SETD1A: variants seen among roughly 807,000 people sequenced by gnomAD.
The protein encoded by SETD1A is histone-lysine N-methyltransferase SETD1A.
In SETD1A, 29 loss-of-function variants were observed where a neutral mutation model predicts 149.9. The ratio of observed to expected loss-of-function variants is 0.19; its 90% CI spans 0.14 to 0.26. The LOEUF is 0.26. Among genes scored for constraint, SETD1A ranks in the 10% least tolerant of loss-of-function variants. SETD1A has a pLI of 1.00. For synonymous variants in SETD1A, 1,141 were observed against 968.5 expected, an observed-to-expected ratio of 1.18 and a Z score of -3.31; for missense variants, 2,109 against 2,353.1, an observed-to-expected ratio of 0.90 and a Z score of 2.15.
At chr16:30,960,153 C>G (rs1386985990) in intron 3 of SETD1A, among the ~76,000 whole-genome samples, 1 of 152,132 alleles carries the variant, frequency 6.6e-6, no homozygotes, top group African/African-American at 2.4e-5. Context: ...TTCACCTGGT[C>G]TCCTTGCCTT....
intron 13 of SETD1A, among the ~76,000 whole-genome samples, chr16:30,972,404 A>C (rs1285885150): frequency 6.6e-6 from 1 of 151,632 alleles, no homozygotes; most frequent in African/African-American, 2.4e-5. Flanking sequence ...TGGGAGGCCA[A>C]GGCGGGTGGA....
At position 30,964,972 on chromosome 16, in the gene SETD1A, C is replaced by T. The variant is rs751956370; in HGVS notation, c.1230C>T (p.Thr410=). The T allele has an allele frequency of 1.2e-5, 19 of 1,614,026 alleles. No homozygotes were observed. The African/African-American group carries it at 2.4e-4, about 20-fold the overall frequency. ...NTAERFPPSY[T]SYLPPEPSRP... ...CTGAGCGCTTCCCACCTTCTTACAC[C>T]TCCTACCTGCCCCCCGAGCCCAGCC... Residue 410 remains threonine, a synonymous_variant, in exon 7 of 19, where the codon ACC becomes ACT. Coordinates refer to ENST00000262519, the MANE Select transcript of SETD1A (RefSeq NM_014712.3).
chr16:30,976,372 G>A (rs1234439242), intron 13 of SETD1A, among the ~76,000 whole-genome samples: 2 of 152,172 alleles, frequency 1.3e-5, no homozygotes, highest in South Asian at 2.1e-4. Flanking sequence ...TGGAGACAGA[G>A]CAAGCCTCTC....
intron 13 of SETD1A, among the ~76,000 whole-genome samples, chr16:30,973,444 A>C (rs139502408): frequency 5.1e-4 from 77 of 152,258 alleles, no homozygotes; most frequent in African/African-American, 1.8e-3. Context: ...ACTTGAGGTC[A>C]GGAGTTCGAG....
Position 30,980,529 on chromosome 16 carries a change from G to T in SETD1A, c.4453G>T (p.Gly1485Trp). ...TPKRKRRPQD[G>W]PREHQTGSAR... ...AAAACGCAAGCGGCGGCCCCAGGATGGGCCCCGGGAGCACCAGACAGGCTC... is the reference window on the plus strand; with the variant it reads ...AAAACGCAAGCGGCGGCCCCAGGATTGGCCCCGGGAGCACCAGACAGGCTC... Residue 1485 changes from glycine (G) to tryptophan (W), a missense_variant, in exon 15 of 19, where the codon GGG (glycine) becomes TGG (tryptophan). Physicochemically the swap from Gly to Trp is radical, Grantham distance 184. Coordinates refer to ENST00000262519, the MANE Select transcript of SETD1A (RefSeq NM_014712.3). This position sits in a 1 kb window ranked among gnomAD's most constrained non-coding sequence, Gnocchi z 7.7. 4 of 1,614,148 alleles carry T rather than the reference G, an allele frequency of 2.5e-6. No homozygotes were observed. Among genetic ancestry groups the T allele is most frequent in the Non-Finnish European group, 3.4e-6 (4 of 1,180,024 alleles).
In SETD1A at chr16:30,979,865, A is replaced by C; in HGVS notation, c.4079A>C (p.Glu1360Ala). 6.5e-7 allele frequency: 1 copy of C among 1,538,386 alleles called. No individual in the cohort carries two copies. The highest frequency in any genetic ancestry group is 8.7e-7 in the Non-Finnish European group (1 of 1,148,166). ...CAGCAACTGCAGCAGCAGCGGGAGG[A>C]GGGCGAAGAGGAGGGGGAGGAAGAG... ...KPQQLQQQREEGEEEGEEEGE... is the reference protein window; with the variant it reads ...KPQQLQQQREAGEEEGEEEGE... Residue 1360 changes from glutamate (E) to alanine (A), a missense_variant, in exon 14 of 19, where the codon GAG (glutamate) becomes GCG (alanine). Transcript: ENST00000262519.
At position 30,979,246 on chromosome 16, in the gene SETD1A, C is replaced by A. The variant is rs1451679168; in HGVS notation, c.3460C>A (p.Pro1154Thr). Residue 1154 changes from proline to threonine, a missense_variant, in exon 14 of 19, where the codon CCC becomes ACC. Pro to Thr is a conservative substitution (Grantham distance 38). This residue lies in a region of SETD1A where 832 missense variants were observed against 815.6 expected (regional missense o/e 1.02). Coordinates refer to ENST00000262519, the MANE Select transcript of SETD1A (RefSeq NM_014712.3). Reference protein sequence around the residue: ...APRPDERPSSPIPLLPPPKKR... With the variant: ...APRPDERPSSTIPLLPPPKKR... Reference sequence around the variant, plus strand: ...ACGCCCCGATGAGCGTCCCTCTTCTCCCATCCCCCTCCTGCCCCCACCCAA... The same window carrying A: ...ACGCCCCGATGAGCGTCCCTCTTCTACCATCCCCCTCCTGCCCCCACCCAA... 6.6e-7 allele frequency: 1 copy of A among 1,523,030 alleles called. No individual in the cohort carries two copies. Among genetic ancestry groups the A allele is most frequent in the Non-Finnish European group, 9.0e-7 (1 of 1,113,074 alleles). 94.3% of individuals were successfully genotyped at this position (1,523,030 alleles called of 1,614,324 possible).
rs982366070 is a variant in SETD1A at position 30,972,010 on chromosome 16, C to G, written c.3358+291C>G. Among the ~76,000 whole-genome samples the G allele has an allele frequency of 3.3e-5, 5 of 152,270 alleles. No individual in the cohort carries two copies. The South Asian group carries it at 8.3e-4, about 25-fold the overall frequency. ...AAAGTGCCCAGTTGAATAAGTTCTT[C>G]CTCCTAATTTTTCTTAAGCCTGTTC... On this transcript the variant is annotated intron_variant, in intron 13 of 18. Coordinates refer to ENST00000262519, the MANE Select transcript of SETD1A (RefSeq NM_014712.3).
Position 30,971,379 on chromosome 16 carries a change from C to T in SETD1A, c.3018C>T (p.Gly1006=). The change falls in exon 13 of 19, where the codon GGC becomes GGT. Residue 1006 remains glycine (G), a splice_region_variant and synonymous_variant. Transcript: ENST00000262519. ...TGACTGCCCCTTCTGGATTTCCAGG[C>T]GAGGACGAGGAAAGCGATTCGTCTT... ...TTKKETEVSD[G]EDEESDSSSK... is the part of the protein sequence containing the mutation. The T allele has an allele frequency of 4.5e-6, 7 of 1,568,110 alleles. No individual in the cohort carries two copies. Among genetic ancestry groups the T allele is most frequent in the African/African-American group, 1.3e-5 (1 of 74,438 alleles).
chr16:30,968,337 A>C (rs2056176109), intron 10 of SETD1A, among the ~76,000 whole-genome samples: 1 of 150,968 alleles, frequency 6.6e-6, no homozygotes, highest in Admixed American at 6.6e-5. Context: ...CAGGAGGTGG[A>C]GGTTACAGTG....
chr16:30,969,749 A>C, intron 12 of SETD1A, 60 bp downstream of exon 12: 1 of 1,386,024 alleles, frequency 7.2e-7, no homozygotes, highest in Non-Finnish European at 1.0e-6. Context: ...CTGCCTGGCT[A>C]GCCCTTTTCT....
rs1275897465 is a variant in SETD1A, at chr16:30,958,979, A to G, written c.150+98A>G. On this transcript the variant is annotated intron_variant, in intron 2 of 18. Transcript: ENST00000262519. The stretch of plus-strand genomic sequence containing the variant: ...TAGAACGGTAGCCTGCCTTCTTGAA[A>G]GTGGGCAGTTGGACCCAGCTCTTCT... 5 of 1,527,270 alleles carry G rather than the reference A, an allele frequency of 3.3e-6. No homozygotes were observed. The East Asian group carries it at 1.1e-4, about 34-fold the overall frequency. The allele number at this position is 1,527,270 out of a possible 1,614,324, so 94.6% of individuals were successfully genotyped here.
At chr16:30,975,237 G>A (rs566492881) in intron 13 of SETD1A, among the ~76,000 whole-genome samples, 7 of 152,080 alleles carry the variant, frequency 4.6e-5, no homozygotes, top group South Asian at 2.1e-4. Context: ...CTGAACCTGG[G>A]AGGTGGAGGT....
In SETD1A at chr16:30,980,303, CT is replaced by C; in HGVS notation, c.4408+113del. 6.9e-7 allele frequency: 1 copy of C among 1,443,910 alleles called. No homozygotes were observed. Among genetic ancestry groups the C allele is most frequent in the Non-Finnish European group, 9.2e-7 (1 of 1,084,510 alleles). 89.4% of individuals were successfully genotyped at this position (1,443,910 alleles called of 1,614,324 possible). A position where few individuals can be genotyped will look rare whatever the true frequency, so the allele number is the denominator to read the frequency against. ...TGCCTCCCCTCTGGCTCCAAGCCAT[CT>C]TTTCTCTCCTCCTGGTGCCTCTTTT... On this transcript the variant is annotated intron_variant, in intron 14 of 18. Coordinates refer to ENST00000262519, the MANE Select transcript of SETD1A (RefSeq NM_014712.3). This position sits in a 1 kb window ranked among gnomAD's most constrained non-coding sequence, Gnocchi z 7.7.
chr16:30,980,097 A>G lies in SETD1A; in HGVS notation c.4311A>G (p.Ser1437=), dbSNP rs767159779. The change falls in exon 14 of 19, where the codon TCA becomes TCG. Residue 1437 remains serine, a synonymous_variant. Transcript: ENST00000262519. This position sits in a 1 kb window ranked among gnomAD's most constrained non-coding sequence, Gnocchi z 7.7. ...LYDIWNSGLD[S]EDMSYLRLTY... is the part of the protein sequence containing the mutation. ...ACATTTGGAACTCGGGCCTGGACTCAGAGGACATGAGTTACCTGCGGCTTA... is the reference window on the plus strand; with the variant it reads ...ACATTTGGAACTCGGGCCTGGACTCGGAGGACATGAGTTACCTGCGGCTTA... 6.2e-7 allele frequency: 1 copy of G among 1,612,908 alleles called. No individual in the cohort carries two copies. The highest frequency in any genetic ancestry group is 1.1e-5 in the South Asian group (1 of 91,074).
At chr16:30,968,460 A>G (rs571436037) in intron 10 of SETD1A, among the ~76,000 whole-genome samples, 14 of 151,880 alleles carry the variant, frequency 9.2e-5, no homozygotes, top group African/African-American at 3.4e-4. Context: ...GTATATACAC[A>G]CAAATATATA....
chr16:30,979,205 C>G lies in SETD1A; in HGVS notation c.3419C>G (p.Pro1140Arg), dbSNP rs200315477. The change falls in exon 14 of 19, where the codon CCC (proline) becomes CGC (arginine). Residue 1140 changes from proline (P) to arginine (R), a missense_variant. Transcript: ENST00000262519. ...CGTCCCCCAGAACCACCTGCTGGGC[C>G]CCCGGCCCCTGCCCCACGCCCCGAT... The part of the protein sequence containing the change: ...PLRPPEPPAG[P>R]PAPAPRPDER... 7 of 1,583,630 alleles carry G rather than the reference C, an allele frequency of 4.4e-6. No individual in the cohort carries two copies. The Admixed American group carries it at 1.2e-4, about 28-fold the overall frequency.
intron 13 of SETD1A, among the ~76,000 whole-genome samples, chr16:30,978,725 A>C (rs1305620232): frequency 1.3e-5 from 2 of 152,256 alleles, no homozygotes; most frequent in Non-Finnish European, 2.9e-5. Context: ...TTTAGCTGAA[A>C]TGTGGCTGAC....
At chr16:30,967,668 C>A in intron 10 of SETD1A, 80 bp downstream of exon 10, 1 of 1,261,394 alleles carries the variant, frequency 7.9e-7, no homozygotes, top group South Asian at 1.2e-5. Flanking sequence ...ATGAAGGGGT[C>A]AGGTCGTCCT....
Sources: allele counts gnomAD v4.1 joint callset (sites outside exome capture counted in the v4.1 genomes callset), GRCh38; gene constraint gnomAD v4.1.1; regional missense constraint gnomAD v4.1.1; non-coding constraint Gnocchi (gnomAD v3.1); transcripts MANE v1.5; gene names NCBI Gene and HGNC (gene_info 2026-07-23, HGNC 2026-07-21).